Variants in LRRIQ3 observed in about 807,000 individuals in gnomAD.
The protein encoded by LRRIQ3 is leucine-rich repeat and IQ domain-containing protein 3.
LRRIQ3 carries 75 observed loss-of-function variants against 59.3 expected under a neutral mutation model. That is an observed-to-expected ratio of 1.26 (90% CI 1.05 to 1.53). LRRIQ3 has a LOEUF of 1.53. Ranked by LOEUF, LRRIQ3 falls within the 40% of genes most tolerant of loss-of-function variation. The probability of loss-of-function intolerance (pLI) is 0.00; values close to 1 mark genes in which losing one functional copy is unlikely to be tolerated. For synonymous variants in LRRIQ3, 250 were observed against 231.3 expected (o/e 1.08, Z -0.73); for missense variants, 831 against 710.0 (o/e 1.17, Z -1.94).
chr1:74,029,032 T>C (rs1209460336), intron 7 of LRRIQ3, among the ~76,000 whole-genome samples: 2 of 152,086 alleles, frequency 1.3e-5, no homozygotes, highest in Non-Finnish European at 2.9e-5. Flanking sequence ...AATAACTATT[T>C]AAAAGTCTTA....
intron 4 of LRRIQ3, among the ~76,000 whole-genome samples, chr1:74,147,338 T>G (rs1250272805): frequency 6.6e-6 from 1 of 152,188 alleles, no homozygotes; most frequent in African/African-American, 2.4e-5. Context: ...AAACTCCATA[T>G]GAAATAAATA....
chr1:74,189,702 A>G (rs1285353181), intron 1 of LRRIQ3, among the ~76,000 whole-genome samples: 2 of 151,928 alleles, frequency 1.3e-5, no homozygotes, highest in Non-Finnish European at 2.9e-5. Context: ...GTCTCATGAG[A>G]GCTGATGGTT....
At chr1:74,061,099 A>T (rs530508987) in intron 6 of LRRIQ3, among the ~76,000 whole-genome samples, 1 of 152,216 alleles carries the variant, frequency 6.6e-6, no homozygotes, top group Admixed American at 6.6e-5. Context: ...AGGATATGAA[A>T]TCAATGTACA....
chr1:74,047,170 T>C (rs900938540), intron 6 of LRRIQ3, among the ~76,000 whole-genome samples: 1 of 152,240 alleles, frequency 6.6e-6, no homozygotes, highest in Admixed American at 6.5e-5. Flanking sequence ...CTGTTCACTA[T>C]AGGAAAGACT....
chr1:74,093,993 A>G (rs1053168817), intron 5 of LRRIQ3, among the ~76,000 whole-genome samples: 7 of 151,974 alleles, frequency 4.6e-5, no homozygotes, highest in African/African-American at 1.7e-4. Context: ...ACAGGTCTGA[A>G]AGTTGGAAGT....
chr1:74,155,776 C>T lies in LRRIQ3; in HGVS notation c.664G>A (p.Val222Ile). 1 of 1,582,758 alleles carries T rather than the reference C, an allele frequency of 6.3e-7. No homozygotes were observed. The highest frequency in any genetic ancestry group is 8.6e-7 in the Non-Finnish European group (1 of 1,168,712). ...ILAHNSPVLI[V>I]QRWIRGFLVR... ...AAGAAACCACGTATCCATCTTTGAACAATCAAAACTGGTGAATTATGAGCC... is the reference window on the plus strand; with the variant it reads ...AAGAAACCACGTATCCATCTTTGAATAATCAAAACTGGTGAATTATGAGCC... Residue 222 changes from valine (V) to isoleucine (I), a missense_variant, in exon 4 of 8, where the codon GTT becomes ATT. By Grantham distance (29) the Val-to-Ile change is conservative (BLOSUM62 3). Transcript: ENST00000354431.
intron 7 of LRRIQ3, among the ~76,000 whole-genome samples, chr1:74,030,077 C>A (rs1232029188): frequency 2.0e-5 from 3 of 151,916 alleles, no homozygotes; most frequent in Admixed American, 6.6e-5. Flanking sequence ...TGTGAAGGAC[C>A]TCTTCAAGGA....
intron 4 of LRRIQ3, among the ~76,000 whole-genome samples, chr1:74,109,857 T>C (rs892173009): frequency 2.0e-5 from 3 of 151,810 alleles, no homozygotes; most frequent in South Asian, 2.1e-4. Context: ...AAATTATCTA[T>C]AGAAACATAA....
chr1:74,040,884 A>T (rs1342159359), intron 7 of LRRIQ3, among the ~76,000 whole-genome samples: 1 of 152,222 alleles, frequency 6.6e-6, no homozygotes, highest in Non-Finnish European at 1.5e-5. Context: ...TAAAAGAGCT[A>T]GAGGCCGGAC....
chr1:74,165,234 T>C (rs915924321), intron 3 of LRRIQ3, among the ~76,000 whole-genome samples: 6 of 151,624 alleles, frequency 4.0e-5, no homozygotes, highest in Admixed American at 2.0e-4. Flanking sequence ...AAGCTGTATA[T>C]AAATTTCGGT....
At chr1:74,050,988 T>C (rs1034457367) in intron 6 of LRRIQ3, among the ~76,000 whole-genome samples, 2 of 152,186 alleles carry the variant, frequency 1.3e-5, no homozygotes, top group Non-Finnish European at 2.9e-5. Flanking sequence ...AAGAATATAG[T>C]TTATGAAACA....
At chr1:74,080,010 G>A (rs1646255764) in intron 5 of LRRIQ3, among the ~76,000 whole-genome samples, 1 of 151,554 alleles carries the variant, frequency 6.6e-6, no homozygotes, top group Admixed American at 6.6e-5. Flanking sequence ...ACGATTCTCT[G>A]AATTTAGATT....
At chr1:74,043,061 G>A (rs951169269) in intron 6 of LRRIQ3, among the ~76,000 whole-genome samples, 4 of 151,798 alleles carry the variant, frequency 2.6e-5, no homozygotes, top group Non-Finnish European at 5.9e-5. Flanking sequence ...TGCATTTCTG[G>A]GTCTATTTGT....
chr1:74,082,402 T>G (rs1646283419), intron 5 of LRRIQ3: 1 of 151,574 alleles, frequency 6.6e-6, no homozygotes, highest in African/African-American at 2.4e-5. Context: ...TTACACTGCT[T>G]AAGTAATTTG....
chr1:74,135,275 G>A (rs1394111940), intron 4 of LRRIQ3, among the ~76,000 whole-genome samples: 1 of 151,836 alleles, frequency 6.6e-6, no homozygotes, highest in African/African-American at 2.4e-5. Flanking sequence ...GCACAATTGA[G>A]GGAAGAATTA....
intron 5 of LRRIQ3, among the ~76,000 whole-genome samples, chr1:74,081,231 A>G (rs908341260): frequency 6.6e-6 from 1 of 151,604 alleles, no homozygotes; most frequent in Non-Finnish European, 1.5e-5. Flanking sequence ...AATAAAAGAA[A>G]TGTGACATTT....
chr1:74,100,453 A>T (rs76915920), intron 5 of LRRIQ3, among the ~76,000 whole-genome samples: 46,548 of 152,036 alleles, frequency 0.31, 7,928 homozygotes, highest in Middle Eastern at 0.45. Flanking sequence ...GGATAGGAAG[A>T]ATCAATATCA....
rs1356636020 is a variant in LRRIQ3 at position 74,026,260 on chromosome 1, A to T, written c.*553T>A. 3 of 152,178 alleles carry T rather than the reference A, an allele frequency of 2.0e-5. No homozygotes were observed. The highest frequency in any genetic ancestry group is 1.5e-5 in the Non-Finnish European group (1 of 68,030). The allele number at this position is 152,178 out of a possible 1,614,324, so 9.4% of individuals were successfully genotyped here. On this transcript the variant is annotated 3_prime_UTR_variant, in exon 8 of 8. Transcript: ENST00000354431. Reference sequence around the variant, plus strand: ...TTCAAGGAAGGTGATAAGAATGTTTAATTTACTTTTCATAGTTCATATTTT... The same window carrying T: ...TTCAAGGAAGGTGATAAGAATGTTTTATTTACTTTTCATAGTTCATATTTT...
chr1:74,158,540 C>T (rs1648478154), intron 3 of LRRIQ3, among the ~76,000 whole-genome samples: 1 of 152,090 alleles, frequency 6.6e-6, no homozygotes, highest in South Asian at 2.1e-4. Context: ...TTCCTTCCCC[C>T]AAGAAGACTT....
Sources: gnomAD v4.1 joint callset for allele counts (sites outside exome capture counted in the v4.1 genomes callset) on GRCh38, gnomAD v4.1.1 for gene constraint, MANE v1.5 for transcripts, NCBI Gene and HGNC (gene_info 2026-07-23, HGNC 2026-07-21) for gene names.